Variants in CHRNB1 observed in about 807,000 individuals in gnomAD.
The protein encoded by CHRNB1 is acetylcholine receptor subunit beta.
CHRNB1 carries 47 observed loss-of-function variants against 53.8 expected under a neutral mutation model. The ratio of observed to expected loss-of-function variants is 0.87; its 90% CI spans 0.69 to 1.11. CHRNB1 has a LOEUF of 1.11. CHRNB1 is among the 50% of genes most tolerant of loss of function. The probability of loss-of-function intolerance (pLI) is 0.00; values close to 1 mark genes in which losing one functional copy is unlikely to be tolerated. For missense variants in CHRNB1, 605 were observed against 654.9 expected (o/e 0.92, Z 0.83); for synonymous variants, 259 against 263.5 (o/e 0.98, Z 0.16).
rs532600013 is a variant in CHRNB1 at position 7,455,593 on chromosome 17, C to T, written c.1217+137C>T. On this transcript the variant is annotated intron_variant, in intron 9 of 10. Transcript: ENST00000306071. The stretch of plus-strand genomic sequence containing the variant: ...TGGGAGTTGTAGTACTCCTGCTGCT[C>T]ACTTTGAGGGGAGGTGGGAACTAAA... 9.5e-6 allele frequency: 12 copies of T among 1,262,604 alleles called. No homozygotes were observed. The South Asian group carries it at 1.5e-4, about 15-fold the overall frequency. 78.2% of individuals were successfully genotyped at this position (1,262,604 alleles called of 1,614,324 possible).
chr17:7,450,085 G>T (rs1013835929), intron 7 of CHRNB1, among the ~76,000 whole-genome samples: 2 of 138,770 alleles, frequency 1.4e-5, no homozygotes, highest in African/African-American at 2.7e-5. Context: ...ATAAATAATA[G>T]TAATAGTCAA....
intron 6 of CHRNB1, 96 bp downstream of exon 6, chr17:7,447,746 T>G: frequency 6.8e-7 from 1 of 1,479,170 alleles, no homozygotes; most frequent in South Asian, 1.1e-5. Flanking sequence ...TATAGCCCTG[T>G]GGGGTCAGCA....
chr17:7,450,160 TC>T (rs1908834784), intron 7 of CHRNB1, among the ~76,000 whole-genome samples: 2 of 151,642 alleles, frequency 1.3e-5, no homozygotes, highest in African/African-American at 4.8e-5. Flanking sequence ...TTTTTTTTTT[TC>T]GAGACAGAGT....
intron 3 of CHRNB1, 140 bp from the exon 4 acceptor site, chr17:7,446,693 C>G: frequency 1.5e-6 from 1 of 665,422 alleles, no homozygotes; most frequent in East Asian, 2.7e-5. Flanking sequence ...GGAGCCAGAG[C>G]CAGAACCACG....
chr17:7,446,178 G>A, intron 3 of CHRNB1, 65 bp downstream of exon 3: 1 of 1,353,356 alleles, frequency 7.4e-7, no homozygotes. Flanking sequence ...TGAATATCCA[G>A]CCCAGTAAGA....
At chr17:7,448,862 G>T in intron 7 of CHRNB1, 74 bp downstream of exon 7, 1 of 1,517,122 alleles carries the variant, frequency 6.6e-7, no homozygotes, top group Non-Finnish European at 9.1e-7. Flanking sequence ...ATCCAGGCAG[G>T]GTTTTCCTGC....
Position 7,456,795 on chromosome 17 carries a change from C to T in CHRNB1, c.*72C>T, listed in dbSNP as rs1227981864. 2.5e-6 allele frequency: 4 copies of T among 1,588,276 alleles called. No individual in the cohort carries two copies. The highest frequency in any genetic ancestry group is 3.5e-6 in the Non-Finnish European group (4 of 1,158,418). ...TTTGGTGATACTGTCAAGCCCTATC[C>T]TTCTCTGCCTCTTAACTCCTTCACG... On this transcript the variant is annotated 3_prime_UTR_variant, in exon 11 of 11. Coordinates refer to ENST00000306071, the MANE Select transcript of CHRNB1 (RefSeq NM_000747.3).
chr17:7,447,425 C>T, intron 5 of CHRNB1, 78 bp from the exon 6 acceptor site: 1 of 1,537,846 alleles, frequency 6.5e-7, no homozygotes, highest in Middle Eastern at 1.7e-4. Context: ...CTTCTCTGTG[C>T]CCTCCCCAAA....
chr17:7,451,279 T>TTTTCTTTTC (rs1481344434), intron 7 of CHRNB1, among the ~76,000 whole-genome samples: 28 of 136,864 alleles, frequency 2.0e-4, no homozygotes, highest in Non-Finnish European at 3.6e-4. Flanking sequence ...CTTTTCTTTT[T>TTTTCTTTTC]TTTTTTTTTT....
At chr17:7,449,748 T>C (rs974666296) in intron 7 of CHRNB1, among the ~76,000 whole-genome samples, 10 of 151,396 alleles carry the variant, frequency 6.6e-5, no homozygotes, top group Non-Finnish European at 8.8e-5. Context: ...CTGGGAAATA[T>C]ATAATAGTAA....
At chr17:7,448,438 G>A in intron 6 of CHRNB1, 141 bp from the exon 7 acceptor site, 1 of 715,784 alleles carries the variant, frequency 1.4e-6, no homozygotes, top group South Asian at 1.5e-5. Context: ...GTTTATTAGA[G>A]ATGGGCTACT....
chr17:7,446,353 G>C (rs1207036098), intron 3 of CHRNB1: 17 of 582,540 alleles, frequency 2.9e-5, no homozygotes, highest in African/African-American at 1.4e-4. Flanking sequence ...GTGTGTGTGT[G>C]TGTGTGTGTG....
chr17:7,454,479 CG>C lies in CHRNB1; in HGVS notation c.1004del (p.Arg335ProfsTer26). 6.2e-7 allele frequency: 1 copy of C among 1,614,098 alleles called. No homozygotes were observed. Among genetic ancestry groups the C allele is most frequent in the African/African-American group, 1.3e-5 (1 of 75,008 alleles). On this transcript the variant is annotated frameshift_variant, in exon 8 of 11. Transcript: ENST00000306071. LOFTEE classifies it high-confidence loss of function. ...TGTCGTGGTTCTCAACCTGCACCACCGCTCACCCCACACCCACCAAATGCCC... is the reference window on the plus strand; with the variant it reads ...TGTCGTGGTTCTCAACCTGCACCACCCTCACCCCACACCCACCAAATGCCC... ...LSVVVLNLHHRSPHTHQMPLW... is the reference protein window; with the variant it reads ...LSVVVLNLHHXSPHTHQMPLW...
chr17:7,450,297 C>A (rs536429068), intron 7 of CHRNB1, among the ~76,000 whole-genome samples: 1 of 151,898 alleles, frequency 6.6e-6, no homozygotes, highest in Non-Finnish European at 1.5e-5. Context: ...GTGCCCACCA[C>A]CATGCCTGCC....
At chr17:7,447,294 G>T (rs1358652039) in intron 5 of CHRNB1, 143 bp downstream of exon 5, 1 of 923,988 alleles carries the variant, frequency 1.1e-6, no homozygotes. Flanking sequence ...TACCCTCCTG[G>T]TTTTCCATTG....
intron 6 of CHRNB1, 99 bp downstream of exon 6, chr17:7,447,749 G>A: frequency 6.9e-7 from 1 of 1,451,260 alleles, no homozygotes; most frequent in South Asian, 1.1e-5. Context: ...AGCCCTGTGG[G>A]GTCAGCAGGA....
rs1908667282 is a variant in CHRNB1 at position 7,447,050 on chromosome 17, G to A, written c.361G>A (p.Gly121Arg). 6.2e-7 allele frequency: 1 copy of A among 1,614,060 alleles called. No individual in the cohort carries two copies. The highest frequency in any genetic ancestry group is 1.1e-5 in the South Asian group (1 of 91,090). The change falls in exon 5 of 11, where the codon GGG (glycine) becomes AGG (arginine). Residue 121 changes from glycine to arginine, a missense_variant. Physicochemically the swap from Gly to Arg is moderately radical, Grantham distance 125. Coordinates refer to ENST00000306071, the MANE Select transcript of CHRNB1 (RefSeq NM_000747.3). ...PDVVLLNNND[G>R]NFDVALDISV... The stretch of plus-strand genomic sequence containing the variant: ...GAGATCCCTTCTCTGCAGCAATGAT[G>A]GGAATTTTGACGTGGCTCTGGACAT...
chr17:7,446,829 C>G lies in CHRNB1; in HGVS notation c.244-4C>G, dbSNP rs1199881358. The stretch of plus-strand genomic sequence containing the variant: ...GGGCAGCCCCTCAGCCTCTGCTTCA[C>G]TAGGAGTGGACTGACTACAGGCTGA... On this transcript the variant is annotated splice_region_variant and splice_polypyrimidine_tract_variant and intron_variant, in intron 3 of 10. Transcript: ENST00000306071. 6.2e-7 allele frequency: 1 copy of G among 1,612,262 alleles called. No individual in the cohort carries two copies. Among genetic ancestry groups the G allele is most frequent in the Admixed American group, 1.7e-5 (1 of 60,000 alleles).
At chr17:7,446,750 C>T (rs1031990962) in intron 3 of CHRNB1, 83 bp from the exon 4 acceptor site, 19 of 1,116,934 alleles carry the variant, frequency 1.7e-5, no homozygotes, top group South Asian at 1.2e-4. Context: ...CTTCCTTGCA[C>T]TCCCTTCCTG....
Sources: allele counts gnomAD v4.1 joint callset (sites outside exome capture counted in the v4.1 genomes callset), GRCh38; gene constraint gnomAD v4.1.1; transcripts MANE v1.5; gene names NCBI Gene and HGNC (gene_info 2026-07-23, HGNC 2026-07-21).